Variants in COL28A1 observed in about 807,000 individuals in gnomAD.
COL28A1 encodes collagen type XXVIII alpha 1 chain, also known as collagen alpha-1(XXVIII) chain.
In COL28A1, 161 loss-of-function variants were observed where a neutral mutation model predicts 150.2. The observed-to-expected ratio is 1.07, with a 90% confidence interval of 0.94 to 1.22. COL28A1 has a LOEUF of 1.22. Ranked by LOEUF, COL28A1 falls within the 50% of genes most tolerant of loss-of-function variation. The pLI, the probability that COL28A1 is intolerant of heterozygous loss-of-function variation, is 0.00. For missense variants in COL28A1, 1,617 were observed against 1,388.3 expected (o/e 1.16, Z -2.62); for synonymous variants, 552 against 469.7 (o/e 1.18, Z -2.26).
rs139645871 is a variant in COL28A1, at chr7:7,487,125, T to A, written c.1164+2264A>T. On this transcript the variant is annotated intron_variant, in intron 13 of 34. Transcript: ENST00000399429. The stretch of plus-strand genomic sequence containing the variant: ...GGTTTACCAACTCATTCTCTATATT[T>A]TCCAATATGCTTAAAATATTTCATT... Among the ~76,000 whole-genome samples, 709 of 152,068 alleles carry A rather than the reference T, an allele frequency of 4.7e-3. 5 individuals carry two copies. The highest frequency in any genetic ancestry group is 0.022 in the East Asian group (115 of 5,186).
chr7:7,445,221 C>T (rs997582591), intron 18 of COL28A1, among the ~76,000 whole-genome samples: 10 of 152,126 alleles, frequency 6.6e-5, no homozygotes, highest in African/African-American at 1.9e-4. Flanking sequence ...AGAGAATGGA[C>T]TAATACAACG....
chr7:7,512,353 T>C (rs1781191642), intron 8 of COL28A1, among the ~76,000 whole-genome samples: 1 of 152,160 alleles, frequency 6.6e-6, no homozygotes, highest in Admixed American at 6.5e-5. Flanking sequence ...GGGTAGATTT[T>C]AAGCATTCTC....
intron 8 of COL28A1, chr7:7,511,985 A>G (rs187844430): frequency 2.8e-4 from 90 of 324,744 alleles, no homozygotes; most frequent in African/African-American, 1.9e-3. Context: ...GTAATTAAGA[A>G]GGTTAAGTAA....
At chr7:7,478,088 G>C (rs189777061) in intron 13 of COL28A1, among the ~76,000 whole-genome samples, 14,950 of 152,056 alleles carry the variant, frequency 0.098, 899 homozygotes, top group Middle Eastern at 0.21. Context: ...GTGCCGATTG[G>C]TGCATTCACA....
intron 25 of COL28A1, among the ~76,000 whole-genome samples, chr7:7,424,769 C>T (rs916957364): frequency 6.6e-6 from 1 of 152,058 alleles, no homozygotes; most frequent in Non-Finnish European, 1.5e-5. Context: ...CCTCTTGGCC[C>T]GCCAAAGGGA....
intron 3 of COL28A1, among the ~76,000 whole-genome samples, chr7:7,529,680 C>A (rs912702008): frequency 6.6e-6 from 1 of 152,180 alleles, no homozygotes; most frequent in African/African-American, 2.4e-5. Flanking sequence ...TGTGGCCAAA[C>A]AAGGAGCTGC....
At chr7:7,490,702 C>T (rs2128369494) in intron 11 of COL28A1, 56 bp from the exon 12 acceptor site, 1 of 814,816 alleles carries the variant, frequency 1.2e-6, no homozygotes, top group Non-Finnish European at 2.1e-6. Context: ...ATAGTATTGA[C>T]TAAGCAGCTT....
chr7:7,373,637 A>G lies in COL28A1; in HGVS notation c.2360-91T>C. ...GGAGAAAAAGTCAATGATGAACCTG[A>G]GACCTAAACTATTCTCTTCCTTTTC... On this transcript the variant is annotated intron_variant, in intron 31 of 34. Coordinates refer to ENST00000399429, the MANE Select transcript of COL28A1 (RefSeq NM_001037763.3). This position sits in a 1 kb window ranked among gnomAD's most constrained non-coding sequence, Gnocchi z 4.1. 2 of 944,446 alleles carry G rather than the reference A, an allele frequency of 2.1e-6. No individual in the cohort carries two copies. The highest frequency in any genetic ancestry group is 1.6e-5 in the South Asian group (1 of 64,244). 58.5% of individuals were successfully genotyped at this position (944,446 alleles called of 1,614,324 possible).
chr7:7,538,838 A>G (rs375997206), upstream of COL28A1, among the ~76,000 whole-genome samples: 12 of 151,652 alleles, frequency 7.9e-5, no homozygotes, highest in South Asian at 1.0e-3. Flanking sequence ...CACCTCCCAC[A>G]CTGCTGATCT....
chr7:7,491,135 C>T (rs1226974993), intron 11 of COL28A1, among the ~76,000 whole-genome samples: 1 of 152,122 alleles, frequency 6.6e-6, no homozygotes, highest in Non-Finnish European at 1.5e-5. Flanking sequence ...CTCAGCTTTC[C>T]TTCCCTGCTG....
At chr7:7,356,136 GATTA>G (rs1292109388), downstream of COL28A1, 3 of 151,386 alleles carry the variant, frequency 2.0e-5, no homozygotes, top group African/African-American at 7.3e-5. Context: ...AAAATATATG[GATTA>G]GTTATACCAT....
intron 27 of COL28A1, among the ~76,000 whole-genome samples, chr7:7,384,598 A>G (rs1782074882): frequency 6.6e-6 from 1 of 152,134 alleles, no homozygotes; most frequent in Non-Finnish European, 1.5e-5. Flanking sequence ...AGGCCTTATT[A>G]TAGGTATGTG....
At chr7:7,428,982 T>C (rs1041186940) in intron 25 of COL28A1, among the ~76,000 whole-genome samples, 5 of 152,244 alleles carry the variant, frequency 3.3e-5, no homozygotes, top group African/African-American at 1.2e-4. Context: ...CTGCTTTTTA[T>C]ATGTTTTGAA....
At chr7:7,428,383 CT>C (rs1784760270) in intron 25 of COL28A1, among the ~76,000 whole-genome samples, 1 of 152,184 alleles carries the variant, frequency 6.6e-6, no homozygotes, top group Non-Finnish European at 1.5e-5. Context: ...TAGGCTGTAC[CT>C]GCCCTTAGTG....
At chr7:7,516,871 G>A (rs1414915517) in intron 7 of COL28A1, among the ~76,000 whole-genome samples, 1 of 152,062 alleles carries the variant, frequency 6.6e-6, no homozygotes, top group Non-Finnish European at 1.5e-5. Context: ...TGGTATTACA[G>A]GTATGAGTCA....
intron 30 of COL28A1, among the ~76,000 whole-genome samples, chr7:7,377,295 C>T (rs1165429448): frequency 1.3e-5 from 2 of 152,178 alleles, no homozygotes; most frequent in East Asian, 1.9e-4. Flanking sequence ...ATTCCTTCCA[C>T]TGAAATCACT....
At chr7:7,522,793 G>A (rs1434156268) in intron 4 of COL28A1, among the ~76,000 whole-genome samples, 1 of 84,942 alleles carries the variant, frequency 1.2e-5, no homozygotes, top group Non-Finnish European at 2.2e-5. Context: ...TAACACTAAC[G>A]ATAGCTGAAG....
At chr7:7,436,190 T>G (rs1299549028) in intron 23 of COL28A1, among the ~76,000 whole-genome samples, 2 of 152,154 alleles carry the variant, frequency 1.3e-5, no homozygotes, top group African/African-American at 4.8e-5. Context: ...CAGCAAAAAT[T>G]TAACCATAAG....
At chr7:7,478,784 C>T (rs1000518443) in intron 13 of COL28A1, among the ~76,000 whole-genome samples, 9 of 152,352 alleles carry the variant, frequency 5.9e-5, no homozygotes, top group African/African-American at 7.2e-5. Context: ...GCTGCTGGCG[C>T]GGGTGCTAAG....
Sources: gnomAD v4.1 joint callset for allele counts (sites outside exome capture counted in the v4.1 genomes callset) on GRCh38, gnomAD v4.1.1 for gene constraint, Gnocchi (gnomAD v3.1) non-coding constraint, MANE v1.5 for transcripts, NCBI Gene and HGNC (gene_info 2026-07-23, HGNC 2026-07-21) for gene names.